MBD3: variants seen among roughly 807,000 people sequenced by gnomAD.
MBD3 encodes the protein methyl-CpG-binding domain protein 3.
A neutral mutation model predicts 31.2 loss-of-function variants in MBD3; 13 were observed. The ratio of observed to expected loss-of-function variants is 0.42; its 90% CI spans 0.27 to 0.66. The LOEUF (loss-of-function observed/expected upper bound fraction) is 0.66, where lower values mean the gene tolerates loss of function less well. Ranked by LOEUF, MBD3 falls within the 30% of genes least tolerant of loss-of-function variation. The pLI, the probability that MBD3 is intolerant of heterozygous loss-of-function variation, is 0.26. For missense variants in MBD3, 440 were observed against 426.5 expected, an observed-to-expected ratio of 1.03 and a Z score of -0.28; for synonymous variants, 223 against 187.4, an observed-to-expected ratio of 1.19 and a Z score of -1.55.
intron 5 of MBD3, among the ~76,000 whole-genome samples, chr19:1,580,127 T>C (rs1917315944): frequency 1.3e-5 from 2 of 152,376 alleles, no homozygotes; most frequent in Admixed American, 6.5e-5. Context: ...TTCTTTTCTT[T>C]TGTTGACAAT....
Position 1,590,056 on chromosome 19 carries a change from C to T in MBD3, c.110+2466G>A, listed in dbSNP as rs2060696684. Among the ~76,000 whole-genome samples, 2 of 152,146 alleles carry T rather than the reference C, an allele frequency of 1.3e-5. 1 individual carries two copies. Among genetic ancestry groups the T allele is most frequent in the Admixed American group, 1.3e-4 (2 of 15,274 alleles). Reference sequence around the variant, plus strand: ...GGTGTGGTGGCTCAGGCCTGTAATCCCAGCACTTTGGGAGGCTGAGGTGCT... The same window carrying T: ...GGTGTGGTGGCTCAGGCCTGTAATCTCAGCACTTTGGGAGGCTGAGGTGCT... On this transcript the variant is annotated intron_variant, in intron 1 of 6. Coordinates refer to ENST00000434436, the MANE Select transcript of MBD3 (RefSeq NM_001281453.2).
chr19:1,585,145 G>C lies in MBD3; in HGVS notation c.180C>G (p.Ser60Arg). The change falls in exon 2 of 7, where the codon AGC (serine) becomes AGG (arginine). Residue 60 changes from serine (S) to arginine (R), a missense_variant. By Grantham distance (110) the Ser-to-Arg change is moderately radical. This residue lies in a region of MBD3 where 179 missense variants were observed against 134.7 expected (regional missense o/e 1.33). Transcript: ENST00000434436. This position sits in a 1 kb window ranked among gnomAD's most constrained non-coding sequence, Gnocchi z 4.1. ...ARYLGGSMDL[S>R]TFDFRTGKML... is the part of the protein sequence containing the mutation. ...TCTTGCCCGTGCGGAAGTCGAAGGT[G>C]CTCAGGTCCATGGAGCCGCCCAGGT... 1 of 1,611,290 alleles carries C rather than the reference G, an allele frequency of 6.2e-7. No homozygotes were observed. The highest frequency in any genetic ancestry group is 8.5e-7 in the Non-Finnish European group (1 of 1,179,470).
intron 3 of MBD3, 98 bp from the exon 4 acceptor site, chr19:1,582,810 C>A (rs753394726): frequency 3.2e-5 from 34 of 1,060,544 alleles, no homozygotes; most frequent in Non-Finnish European, 4.7e-5. Context: ...GCCTCCTTGC[C>A]CCATGTGGGT....
rs2145590777 is a variant in MBD3, at chr19:1,578,347, T to G, written c.869A>C (p.His290Pro). The G allele has an allele frequency of 6.2e-7, 1 of 1,603,472 alleles. No individual in the cohort carries two copies. The highest frequency in any genetic ancestry group is 1.8e-4 in the Middle Eastern group (1 of 5,620). Reference sequence around the variant, plus strand: ...GGCCCCGCAGCACCTGCCCTAGACGTGCTCCATCTCCGGGTCCGGGTCGGG... The same window carrying G: ...GGCCCCGCAGCACCTGCCCTAGACGGGCTCCATCTCCGGGTCCGGGTCGGG... ...EEPDPDPEME[H>P]V is the part of the protein sequence containing the mutation. Residue 290 changes from histidine to proline, a missense_variant, in exon 6 of 7, where the codon CAC becomes CCC. Around this residue, in one of 3 missense-constraint regions of MBD3, gnomAD observed 117 missense variants for 95.0 expected, o/e 1.23. Coordinates refer to ENST00000434436, the MANE Select transcript of MBD3 (RefSeq NM_001281453.2). The surrounding 1 kb of genome is among the most constrained non-coding windows in gnomAD (Gnocchi z 6.1).
rs1193987084 is a variant in MBD3 at position 1,575,662 on chromosome 19, G to C, written c.*2502C>G. On this transcript the variant is annotated 3_prime_UTR_variant, in exon 7 of 7. Transcript: ENST00000434436. ...GGGTCTGAGACTTTTCCAGGGCAGG[G>C]AATTTGACGAGGGCCTGAGCACTGG... 2 of 159,360 alleles carry C rather than the reference G, an allele frequency of 1.3e-5. No homozygotes were observed. The highest frequency in any genetic ancestry group is 4.8e-5 in the African/African-American group (2 of 41,518). 9.9% of individuals were successfully genotyped at this position (159,360 alleles called of 1,614,324 possible). A position where few individuals can be genotyped will look rare whatever the true frequency, so the allele number is the denominator to read the frequency against.
intron 3 of MBD3, among the ~76,000 whole-genome samples, chr19:1,583,077 G>A (rs111236520): frequency 0.045 from 6,873 of 151,932 alleles, 223 homozygotes; most frequent in Middle Eastern, 0.075. Flanking sequence ...GGTGACGGGC[G>A]CCTGTAATCC....
In MBD3 at chr19:1,585,175, C is replaced by T. The variant is rs149431650; in HGVS notation, c.150G>A (p.Ala50=). 33 of 1,607,484 alleles carry T rather than the reference C, an allele frequency of 2.1e-5. No homozygotes were observed. The African/African-American group carries it at 3.6e-4, about 18-fold the overall frequency. The change falls in exon 2 of 7, where the codon GCG becomes GCA. Residue 50 remains alanine (A), a synonymous_variant. Transcript: ENST00000434436. This position sits in a 1 kb window ranked among gnomAD's most constrained non-coding sequence, Gnocchi z 4.1. ...GKKFRSKPQL[A]RYLGGSMDLS... ...GGTCCATGGAGCCGCCCAGGTAGCG[C>T]GCCAGCTGCGGCTTGCTGCGGAACT...
intron 1 of MBD3, among the ~76,000 whole-genome samples, chr19:1,586,608 G>A (rs1599346565): frequency 6.6e-6 from 1 of 151,878 alleles, no homozygotes; most frequent in Non-Finnish European, 1.5e-5. Context: ...TCCTGGGCTA[G>A]GGTGATCCTT....
Position 1,575,235 on chromosome 19 carries a change from G to A in MBD3, c.*2929C>T, listed in dbSNP as rs964115143. 2.1e-5 allele frequency: 9 copies of A among 428,766 alleles called. No homozygotes were observed. The highest frequency in any genetic ancestry group is 5.0e-4 in the Middle Eastern group (1 of 1,998). The allele number at this position is 428,766 out of a possible 1,614,324, so 26.6% of individuals were successfully genotyped here. A position where few individuals can be genotyped will look rare whatever the true frequency, so the allele number is the denominator to read the frequency against. Reference sequence around the variant, plus strand: ...ACCTGAGGTTAGGAGTTCCAGACCAGACTGGCCAACATGGTGAAACCCTGT... The same window carrying A: ...ACCTGAGGTTAGGAGTTCCAGACCAAACTGGCCAACATGGTGAAACCCTGT... On this transcript the variant is annotated 3_prime_UTR_variant, in exon 7 of 7. Transcript: ENST00000434436.
chr19:1,592,528 TA>T lies in MBD3; in HGVS notation c.103del (p.Tyr35ThrfsTer25). ...GLSAGHRDVF[Y>X]YSPSGKKFRS... Reference sequence around the variant, plus strand: ...GGCCGGCGCGCTCATTCACCTATAGTAAAAGACATCCCTGTGGCCGGCCGAC... The same window carrying T: ...GGCCGGCGCGCTCATTCACCTATAGTAAAGACATCCCTGTGGCCGGCCGAC... On this transcript the variant is annotated frameshift_variant, in exon 1 of 7. Coordinates refer to ENST00000434436, the MANE Select transcript of MBD3 (RefSeq NM_001281453.2). LOFTEE classifies it high-confidence loss of function. 2.1e-6 allele frequency: 3 copies of T among 1,424,620 alleles called. No homozygotes were observed. The highest frequency in any genetic ancestry group is 1.9e-6 in the Non-Finnish European group (2 of 1,064,496). 88.2% of individuals were successfully genotyped at this position (1,424,620 alleles called of 1,614,324 possible).
rs564928363 is a variant in MBD3 at position 1,582,788 on chromosome 19, G to T, written c.409-76C>A. 9.5e-6 allele frequency: 13 copies of T among 1,369,188 alleles called. No individual in the cohort carries two copies. The African/African-American group carries it at 1.4e-4, about 15-fold the overall frequency. 84.8% of individuals were successfully genotyped at this position (1,369,188 alleles called of 1,614,324 possible). On this transcript the variant is annotated intron_variant, in intron 3 of 6. Coordinates refer to ENST00000434436, the MANE Select transcript of MBD3 (RefSeq NM_001281453.2). ...CTCCAGGTCCTTGCTGGGCTCCAGG[G>T]AGGCCCACCTGGCCTCCTTGCCCCA...
intron 1 of MBD3, among the ~76,000 whole-genome samples, chr19:1,591,715 GGACA>G (rs1165396607): frequency 1.3e-5 from 2 of 151,822 alleles, no homozygotes; most frequent in East Asian, 3.8e-4. Context: ...AAAAAAAAGA[GGACA>G]AACAGCAGGT....
In MBD3 at chr19:1,578,110, C is replaced by G. The variant is rs768400470; in HGVS notation, c.*54G>C. On this transcript the variant is annotated 3_prime_UTR_variant, in exon 7 of 7. Coordinates refer to ENST00000434436, the MANE Select transcript of MBD3 (RefSeq NM_001281453.2). The surrounding 1 kb of genome is among the most constrained non-coding windows in gnomAD (Gnocchi z 6.1). ...GCCTGGTTCACGTGGGGCCGAGGACCGCGTCTGCAGGCGGCTCCAGCAGGC... is the reference window on the plus strand; with the variant it reads ...GCCTGGTTCACGTGGGGCCGAGGACGGCGTCTGCAGGCGGCTCCAGCAGGC... 1 of 653,418 alleles carries G rather than the reference C, an allele frequency of 1.5e-6. No homozygotes were observed. The highest frequency in any genetic ancestry group is 2.6e-6 in the Non-Finnish European group (1 of 386,196). 40.5% of individuals were successfully genotyped at this position (653,418 alleles called of 1,614,324 possible). A position where few individuals can be genotyped will look rare whatever the true frequency, so the allele number is the denominator to read the frequency against.
chr19:1,590,170 C>T (rs773554455), intron 1 of MBD3, among the ~76,000 whole-genome samples: 1 of 151,814 alleles, frequency 6.6e-6, no homozygotes, highest in Non-Finnish European at 1.5e-5. Context: ...TGGTGGCAGA[C>T]GCCTGTAATC....
chr19:1,584,490 A>C lies in MBD3; in HGVS notation c.408+50T>G, dbSNP rs757180982. ...CCTCATTCCAAACGTCCACCCACCA[A>C]AGTGAACAACCCGGCCGGGAAGGCT... On this transcript the variant is annotated intron_variant, in intron 3 of 6. Transcript: ENST00000434436. The C allele has an allele frequency of 7.9e-5, 127 of 1,606,732 alleles. No individual in the cohort carries two copies. The South Asian group carries it at 1.3e-3, about 17-fold the overall frequency.
Position 1,592,607 on chromosome 19 carries a change from G to A in MBD3, c.25C>T (p.Pro9Ser), listed in dbSNP as rs199918527. Residue 9 changes from proline (P) to serine (S), a missense_variant, in exon 1 of 7, where the codon CCG (proline) becomes TCG (serine). Pro to Ser is a moderately conservative substitution (Grantham distance 74). Around this residue, in one of 3 missense-constraint regions of MBD3, gnomAD observed 179 missense variants for 134.7 expected, o/e 1.33. Coordinates refer to ENST00000434436, the MANE Select transcript of MBD3 (RefSeq NM_001281453.2). Reference protein sequence around the residue: MERKRWECPALPQGWEREE... With the variant: MERKRWECSALPQGWEREE... ...CTCTCCCAGCCCTGCGGGAGCGCCG[G>A]GCACTCCCACCTCTTCCGCTCCATT... 11 of 1,399,724 alleles carry A rather than the reference G, an allele frequency of 7.9e-6. No individual in the cohort carries two copies. In the East Asian group the frequency reaches 1.2e-4, roughly 15 times the overall value. 86.7% of individuals were successfully genotyped at this position (1,399,724 alleles called of 1,614,324 possible).
chr19:1,589,143 C>T (rs2060692460), intron 1 of MBD3, among the ~76,000 whole-genome samples: 4 of 151,666 alleles, frequency 2.6e-5, no homozygotes, highest in Admixed American at 2.0e-4. Flanking sequence ...ACCAGCCTGA[C>T]CAACATGGTG....
At position 1,585,202 on chromosome 19, in the gene MBD3, C is replaced by A; in HGVS notation, c.123G>T (p.Lys41Asn). Residue 41 changes from lysine (K) to asparagine (N), a missense_variant, in exon 2 of 7, where the codon AAG (lysine) becomes AAT (asparagine). Around this residue, in one of 3 missense-constraint regions of MBD3, gnomAD observed 179 missense variants for 134.7 expected, o/e 1.33. Coordinates refer to ENST00000434436, the MANE Select transcript of MBD3 (RefSeq NM_001281453.2). This position sits in a 1 kb window ranked among gnomAD's most constrained non-coding sequence, Gnocchi z 4.1. ...RDVFYYSPSG[K>N]KFRSKPQLAR... ...CCAGCTGCGGCTTGCTGCGGAACTTCTTCCCGCTCGGGCTGCGGGGAGGCG... is the reference window on the plus strand; with the variant it reads ...CCAGCTGCGGCTTGCTGCGGAACTTATTCCCGCTCGGGCTGCGGGGAGGCG... 6.3e-7 allele frequency: 1 copy of A among 1,599,458 alleles called. No homozygotes were observed. The highest frequency in any genetic ancestry group is 1.1e-5 in the South Asian group (1 of 90,352).
Position 1,592,673 on chromosome 19 carries a change from G to T in MBD3, c.-42C>A, listed in dbSNP as rs1568279802. 3.6e-6 allele frequency: 3 copies of T among 843,792 alleles called. No homozygotes were observed. The highest frequency in any genetic ancestry group is 9.7e-5 in the Admixed American group (2 of 20,586). The allele number at this position is 843,792 out of a possible 1,614,324, so 52.3% of individuals were successfully genotyped here. On this transcript the variant is annotated 5_prime_UTR_variant, in exon 1 of 7. Coordinates refer to ENST00000434436, the MANE Select transcript of MBD3 (RefSeq NM_001281453.2). ...GCCCGCCGCCGGGCCCGCCGCCGCC[G>T]CCCGGACCCCCACTCGCCGCCGCCG...
Sources: gnomAD v4.1 joint callset for allele counts (sites outside exome capture counted in the v4.1 genomes callset) on GRCh38, gnomAD v4.1.1 for gene constraint, gnomAD v4.1.1 regional missense constraint, Gnocchi (gnomAD v3.1) non-coding constraint, MANE v1.5 for transcripts, NCBI Gene and HGNC (gene_info 2026-07-23, HGNC 2026-07-21) for gene names.